PEAK1: variants seen among roughly 807,000 people sequenced by gnomAD.
PEAK1 encodes the protein pseudopodium enriched atypical kinase 1.
A neutral mutation model predicts 124.7 loss-of-function variants in PEAK1; 54 were observed. The ratio of observed to expected loss-of-function variants is 0.43; its 90% confidence interval spans 0.35 to 0.54. The LOEUF (loss-of-function observed/expected upper bound fraction) is 0.54, where lower values mean the gene tolerates loss of function less well. Among genes scored for constraint, PEAK1 ranks in the 20% least tolerant of loss-of-function variants. PEAK1 has a pLI of 0.01. For missense variants in PEAK1, 2,046 were observed against 2,134.5 expected (o/e 0.96, Z 0.82); for synonymous variants, 719 against 760.0 (o/e 0.95, Z 0.89).
chr15:77,355,743 A>C (rs1486443185), intron 2 of PEAK1: 1 of 984,050 alleles, frequency 1.0e-6, no homozygotes. Flanking sequence ...AGTTGCCTGT[A>C]ATTACGTAAA....
intron 5 of PEAK1, among the ~76,000 whole-genome samples, chr15:77,262,978 C>A (rs1177960997): frequency 6.6e-6 from 1 of 152,166 alleles, no homozygotes; most frequent in Admixed American, 6.5e-5. Flanking sequence ...TACATGGAAA[C>A]TGAACAACCT....
chr15:77,380,413 A>G (rs1328110526), intron 1 of PEAK1, among the ~76,000 whole-genome samples: 1 of 152,180 alleles, frequency 6.6e-6, no homozygotes, highest in African/African-American at 2.4e-5. Context: ...TAAAGGCAAG[A>G]TCCCTTTTTA....
intron 5 of PEAK1, among the ~76,000 whole-genome samples, chr15:77,271,859 A>G (rs1331160065): frequency 6.6e-6 from 1 of 152,140 alleles, no homozygotes; most frequent in African/African-American, 2.4e-5. Flanking sequence ...GCAGCACACC[A>G]ACACGGCACA....
chr15:77,220,709 G>C (rs759451260), intron 6 of PEAK1, among the ~76,000 whole-genome samples: 13 of 151,972 alleles, frequency 8.6e-5, no homozygotes, highest in Non-Finnish European at 1.3e-4. Flanking sequence ...GGAAGGCAAT[G>C]ATATGTTCAA....
At chr15:77,141,342 T>C (rs1264064862) in intron 8 of PEAK1, among the ~76,000 whole-genome samples, 1 of 152,152 alleles carries the variant, frequency 6.6e-6, no homozygotes, top group East Asian at 1.9e-4. Flanking sequence ...ACAAAACTAG[T>C]GTAAGACTTG....
At chr15:77,383,108 C>T (rs2069623396) in intron 1 of PEAK1, among the ~76,000 whole-genome samples, 1 of 150,882 alleles carries the variant, frequency 6.6e-6, no homozygotes. Context: ...ACTGCAACCT[C>T]CGTTGCCCGG....
At chr15:77,160,516 A>AAAC (rs199679386) in intron 7 of PEAK1, among the ~76,000 whole-genome samples, 3,354 of 152,100 alleles carry the variant, frequency 0.022, 104 homozygotes, top group African/African-American at 0.07. Flanking sequence ...TCTCTACTAA[A>AAAC]AACACAAAAA....
intron 1 of PEAK1, among the ~76,000 whole-genome samples, chr15:77,398,665 G>T (rs1456066850): frequency 6.6e-6 from 1 of 152,158 alleles, no homozygotes; most frequent in African/African-American, 2.4e-5. Flanking sequence ...GTATCATACT[G>T]AATGGAGAAC....
chr15:77,403,368 C>T, intron 1 of PEAK1: 1 of 924,424 alleles, frequency 1.1e-6, no homozygotes, highest in South Asian at 5.0e-5. Context: ...TATTTACAGC[C>T]AAGATATAAT....
intron 9 of PEAK1, among the ~76,000 whole-genome samples, chr15:77,124,896 TG>T (rs2052241244): frequency 6.6e-6 from 1 of 152,214 alleles, no homozygotes; most frequent in Non-Finnish European, 1.5e-5. Context: ...CCTTTCTTAT[TG>T]GCCCCAAGAT....
intron 1 of PEAK1, among the ~76,000 whole-genome samples, chr15:77,392,250 A>G (rs1019094492): frequency 6.6e-6 from 1 of 152,228 alleles, no homozygotes; most frequent in Non-Finnish European, 1.5e-5. Flanking sequence ...GATACACACT[A>G]AACAATATTC....
intron 6 of PEAK1, among the ~76,000 whole-genome samples, chr15:77,212,454 A>G (rs1361551226): frequency 6.6e-6 from 1 of 152,178 alleles, no homozygotes; most frequent in Admixed American, 6.5e-5. Flanking sequence ...AACTTTCGGA[A>G]AAAAGGTAAG....
intron 1 of PEAK1, chr15:77,417,463 G>GA (rs1457978170): frequency 2.3e-6 from 2 of 855,720 alleles, no homozygotes; most frequent in Non-Finnish European, 2.8e-6. Context: ...GCGGGGCGGG[G>GA]GGGGAGGGGG....
At chr15:77,347,973 C>T (rs960001142) in intron 2 of PEAK1, 18 of 984,930 alleles carry the variant, frequency 1.8e-5, no homozygotes, top group Non-Finnish European at 2.2e-5. Context: ...GTATAGGTTG[C>T]ATAATGCTAA....
At chr15:77,204,632 A>C (rs78594709) in intron 6 of PEAK1, 1 of 152,618 alleles carries the variant, frequency 6.6e-6, no homozygotes, top group Non-Finnish European at 1.5e-5. Context: ...TGCTCCTGCA[A>C]AAGTGGAAAG....
intron 2 of PEAK1, among the ~76,000 whole-genome samples, chr15:77,304,605 G>A (rs982395686): frequency 4.6e-5 from 7 of 151,772 alleles, no homozygotes; most frequent in African/African-American, 1.5e-4. Flanking sequence ...CCGCCACCAC[G>A]TCCGGCCAAT....
intron 1 of PEAK1, among the ~76,000 whole-genome samples, chr15:77,369,929 TAAA>T (rs909687418): frequency 6.6e-6 from 1 of 152,004 alleles, no homozygotes; most frequent in Non-Finnish European, 1.5e-5. Flanking sequence ...ATCTGGGAAT[TAAA>T]AAAAGAGGTA....
intron 2 of PEAK1, chr15:77,333,834 T>G (rs1023072436): frequency 3.0e-6 from 2 of 673,370 alleles, no homozygotes; most frequent in Non-Finnish European, 1.8e-6. Context: ...TATATGGTGG[T>G]GCAATTCCAA....
intron 2 of PEAK1, among the ~76,000 whole-genome samples, chr15:77,304,442 ATTTTTTTTTTTT>A (rs71145812): frequency 1.2e-5 from 1 of 86,490 alleles, no homozygotes; most frequent in African/African-American, 4.8e-5. Context: ...TCCTGTATAC[ATTTTTTTTTTTT>A]TTTTTTTTTT....
Sources: gnomAD v4.1 joint callset for allele counts (sites outside exome capture counted in the v4.1 genomes callset) on GRCh38, gnomAD v4.1.1 for gene constraint, MANE v1.5 for transcripts, NCBI Gene and HGNC (gene_info 2026-07-23, HGNC 2026-07-21) for gene names.